COL23A1: variants seen among roughly 807,000 people sequenced by gnomAD.
COL23A1 encodes collagen alpha-1(XXIII) chain.
COL23A1 carries 97 observed loss-of-function variants against 99.3 expected under a neutral mutation model. The observed-to-expected ratio is 0.98, with a 90% CI of 0.83 to 1.16. The LOEUF (loss-of-function observed/expected upper bound fraction) is 1.16, where lower values mean the gene tolerates loss of function less well. COL23A1 is among the 50% of genes most tolerant of loss of function. The pLI, the probability that COL23A1 is intolerant of heterozygous loss-of-function variation, is 0.00. For synonymous variants in COL23A1, 320 were observed against 308.2 expected (o/e 1.04, Z -0.40); for missense variants, 762 against 757.4 (o/e 1.01, Z -0.07).
intron 2 of COL23A1, among the ~76,000 whole-genome samples, chr5:178,402,161 A>G (rs1365557607): frequency 6.6e-6 from 1 of 152,144 alleles, no homozygotes; most frequent in East Asian, 1.9e-4. Flanking sequence ...TGTCAGATCT[A>G]AATAATAGAA....
At chr5:178,291,157 C>T (rs1757436308) in intron 3 of COL23A1, among the ~76,000 whole-genome samples, 1 of 152,300 alleles carries the variant, frequency 6.6e-6, no homozygotes, top group East Asian at 1.9e-4. Context: ...CACCCCTAGG[C>T]TCTGTGCACT....
chr5:178,400,121 C>T (rs972391671), intron 2 of COL23A1, among the ~76,000 whole-genome samples: 2 of 152,110 alleles, frequency 1.3e-5, no homozygotes, highest in African/African-American at 4.8e-5. Context: ...AATCCCAGCA[C>T]TTTGGGAGGC....
chr5:178,498,509 A>T (rs987994823), intron 2 of COL23A1, among the ~76,000 whole-genome samples: 1 of 151,848 alleles, frequency 6.6e-6, no homozygotes, highest in African/African-American at 2.4e-5. Context: ...TGAGAAAAAT[A>T]GTAGAGTGTG....
chr5:178,340,283 T>A lies in COL23A1; in HGVS notation c.362-33364A>T, dbSNP rs752821590. Among the ~76,000 whole-genome samples, 26 of 152,158 alleles carry A rather than the reference T, an allele frequency of 1.7e-4. No individual in the cohort carries two copies. Among genetic ancestry groups the A allele is most frequent in the Non-Finnish European group, 3.1e-4 (21 of 68,028 alleles). On this transcript the variant is annotated intron_variant, in intron 2 of 28. Transcript: ENST00000390654. The surrounding 1 kb of genome is among the most constrained non-coding windows in gnomAD (Gnocchi z 4.7). ...ACCAGCAATAAGCCTCACCAAAAAA[T>A]GTGCTCATGTAAGAAAAACAATTAT...
chr5:178,329,415 C>A (rs1380507734), intron 2 of COL23A1, among the ~76,000 whole-genome samples: 1 of 152,128 alleles, frequency 6.6e-6, no homozygotes. Flanking sequence ...ACAAGCCAGG[C>A]CCCAGGCTCC....
rs1581463462 is a variant in COL23A1, at chr5:178,256,498, C to G, written c.838-101G>C. ...CCCCTCTTCCCAGGAGGGCCCAGGG[C>G]CCGAGTGCTGGAACCCTAATAGCCA... On this transcript the variant is annotated intron_variant, in intron 14 of 28. Coordinates refer to ENST00000390654, the MANE Select transcript of COL23A1 (RefSeq NM_173465.4). 5.1e-6 allele frequency: 6 copies of G among 1,170,376 alleles called. No individual in the cohort carries two copies. The East Asian group carries it at 1.5e-4, about 30-fold the overall frequency. 72.5% of individuals were successfully genotyped at this position (1,170,376 alleles called of 1,614,324 possible). A position where few individuals can be genotyped will look rare whatever the true frequency, so the allele number is the denominator to read the frequency against.
chr5:178,548,146 T>C (rs1346980272), intron 2 of COL23A1, among the ~76,000 whole-genome samples: 1 of 144,056 alleles, frequency 6.9e-6, no homozygotes, highest in East Asian at 2.1e-4. Context: ...AGAGGCCTGC[T>C]GGACTCTGGG....
chr5:178,498,829 C>T (rs1265302362), intron 2 of COL23A1, among the ~76,000 whole-genome samples: 5 of 152,086 alleles, frequency 3.3e-5, no homozygotes, highest in African/African-American at 1.2e-4. Flanking sequence ...GTGGCTCACA[C>T]CTGTAATTCC....
chr5:178,440,324 C>G (rs559158883), intron 2 of COL23A1, among the ~76,000 whole-genome samples: 1 of 152,184 alleles, frequency 6.6e-6, no homozygotes, highest in African/African-American at 2.4e-5. Context: ...AGGCTCATGA[C>G]CCCCTCTGGA....
intron 25 of COL23A1, among the ~76,000 whole-genome samples, chr5:178,243,884 G>A (rs1046741970): frequency 2.6e-5 from 4 of 152,200 alleles, no homozygotes; most frequent in African/African-American, 9.6e-5. Context: ...GTTCAGCATT[G>A]TCCTCTCCCA....
At chr5:178,290,211 C>G in intron 4 of COL23A1, 151 bp downstream of exon 4, 1 of 1,021,392 alleles carries the variant, frequency 9.8e-7, no homozygotes. Flanking sequence ...GGATTCCAGG[C>G]GTGAGCCACC....
chr5:178,369,060 G>A (rs923817861), intron 2 of COL23A1, among the ~76,000 whole-genome samples: 18 of 152,230 alleles, frequency 1.2e-4, no homozygotes, highest in African/African-American at 4.3e-4. Flanking sequence ...CAGAGGTGAG[G>A]ACCTTAGGCT....
chr5:178,430,275 G>C (rs1766185399), intron 2 of COL23A1, among the ~76,000 whole-genome samples: 1 of 152,154 alleles, frequency 6.6e-6, no homozygotes, highest in Non-Finnish European at 1.5e-5. Context: ...AAGACACACA[G>C]GTGACTTCAC....
At chr5:178,407,078 T>G (rs1764804863) in intron 2 of COL23A1, among the ~76,000 whole-genome samples, 1 of 152,216 alleles carries the variant, frequency 6.6e-6, no homozygotes, top group African/African-American at 2.4e-5. Context: ...TATGCAGAAC[T>G]GGGTGCTAAA....
At chr5:178,559,591 C>T in intron 2 of COL23A1, among the ~76,000 whole-genome samples, 3 of 126,996 alleles carry the variant, frequency 2.4e-5, no homozygotes, top group African/African-American at 3.5e-5. Flanking sequence ...AGTCACCTTT[C>T]CCTGCAGGTC....
At chr5:178,570,370 C>A (rs537176326) in intron 1 of COL23A1, among the ~76,000 whole-genome samples, 3 of 152,066 alleles carry the variant, frequency 2.0e-5, no homozygotes, top group African/African-American at 7.2e-5. Flanking sequence ...CTCGGCCTCC[C>A]GAAGTGCTGG....
At chr5:178,483,268 G>A (rs1757436606) in intron 2 of COL23A1, among the ~76,000 whole-genome samples, 1 of 152,002 alleles carries the variant, frequency 6.6e-6, no homozygotes, top group Admixed American at 6.6e-5. Context: ...GAATTACTGG[G>A]GAGATAAGTA....
intron 2 of COL23A1, among the ~76,000 whole-genome samples, chr5:178,383,489 G>A (rs893497322): frequency 1.3e-5 from 2 of 152,210 alleles, no homozygotes; most frequent in African/African-American, 4.8e-5. Context: ...TAGCTCTAAG[G>A]TCTCTGCCAC....
intron 2 of COL23A1, among the ~76,000 whole-genome samples, chr5:178,481,344 G>C (rs1182130381): frequency 6.6e-6 from 1 of 151,964 alleles, no homozygotes; most frequent in East Asian, 1.9e-4. Context: ...TCTTGGATAT[G>C]ACACACAGCA....
Sources: allele counts gnomAD v4.1 joint callset (sites outside exome capture counted in the v4.1 genomes callset), GRCh38; gene constraint gnomAD v4.1.1; non-coding constraint Gnocchi (gnomAD v3.1); transcripts MANE v1.5; gene names NCBI Gene and HGNC (gene_info 2026-07-23, HGNC 2026-07-21).